The following FLACC1 variants were observed in gnomAD, a reference collection of about 807,000 sequenced individuals.
FLACC1 encodes the protein flagellum associated containing coiled-coil domains 1.
A neutral mutation model predicts 62.8 loss-of-function variants in FLACC1; 66 were observed. The observed-to-expected ratio is 1.05, with a 90% CI of 0.86 to 1.29. The LOEUF is 1.29. FLACC1 is among the 50% of genes most tolerant of loss of function. The pLI, the probability that FLACC1 is intolerant of heterozygous loss-of-function variation, is 0.00. For missense variants in FLACC1, 452 were observed against 489.1 expected, an observed-to-expected ratio of 0.92 and a Z score of 0.71; for synonymous variants, 156 against 161.0, an observed-to-expected ratio of 0.97 and a Z score of 0.24.
chr2:201,334,185 G>GT (rs373763502), intron 7 of FLACC1, among the ~76,000 whole-genome samples: 147,402 of 152,218 alleles, frequency 0.97, 71,560 homozygotes, highest in East Asian at 1. Flanking sequence ...ATTTTTTCAT[G>GT]GTCTTTTGGC....
chr2:201,351,026 G>A (rs1176550452), intron 2 of FLACC1, among the ~76,000 whole-genome samples: 1 of 152,216 alleles, frequency 6.6e-6, no homozygotes, highest in African/African-American at 2.4e-5. Context: ...GGCGGCAGCT[G>A]CCATCAGGGC....
At chr2:201,347,235 G>A (rs147713539) in intron 4 of FLACC1, among the ~76,000 whole-genome samples, 6 of 152,354 alleles carry the variant, frequency 3.9e-5, no homozygotes, top group Non-Finnish European at 7.3e-5. Context: ...GGCCTCTGCT[G>A]GCCTGGACCA....
At chr2:201,355,043 G>A (rs544189076) in intron 1 of FLACC1, among the ~76,000 whole-genome samples, 4 of 152,334 alleles carry the variant, frequency 2.6e-5, no homozygotes, top group Admixed American at 6.5e-5. Flanking sequence ...CCAGCACTTT[G>A]GGAGGCCAAG....
chr2:201,301,511 G>A (rs1310257225), intron 11 of FLACC1, among the ~76,000 whole-genome samples: 1 of 152,246 alleles, frequency 6.6e-6, no homozygotes, highest in East Asian at 1.9e-4. Context: ...CACTCTGCAG[G>A]ATATTATCCA....
At chr2:201,319,022 A>G (rs1950352763) in intron 9 of FLACC1, among the ~76,000 whole-genome samples, 2 of 152,216 alleles carry the variant, frequency 1.3e-5, no homozygotes, top group Admixed American at 6.5e-5. Flanking sequence ...GGGCACACCA[A>G]AATCTCACAA....
intron 9 of FLACC1, among the ~76,000 whole-genome samples, chr2:201,323,783 T>TAAAAAAAAAA (rs1950448139): frequency 1.8e-4 from 1 of 5,494 alleles, no homozygotes; most frequent in Admixed American, 1.9e-3. Flanking sequence ...CCAGACTCTA[T>TAAAAAAAAAA]CAAAAAAAAA....
intron 10 of FLACC1, among the ~76,000 whole-genome samples, chr2:201,308,625 C>T (rs985809857): frequency 6.6e-6 from 1 of 152,052 alleles, no homozygotes; most frequent in Non-Finnish European, 1.5e-5. Context: ...GTGGGAGGTG[C>T]ACCTATAGAA....
At chr2:201,342,693 A>AT (rs1272228290) in intron 6 of FLACC1, among the ~76,000 whole-genome samples, 5 of 151,916 alleles carry the variant, frequency 3.3e-5, no homozygotes, top group African/African-American at 1.2e-4. Context: ...TTCACTGACT[A>AT]TTTTTTTTGG....
At chr2:201,320,001 T>G (rs1299245585) in intron 9 of FLACC1, among the ~76,000 whole-genome samples, 1 of 152,188 alleles carries the variant, frequency 6.6e-6, no homozygotes, top group African/African-American at 2.4e-5. Context: ...ACACCCCCAC[T>G]GTGGACCCTG....
intron 12 of FLACC1, among the ~76,000 whole-genome samples, chr2:201,293,646 G>A (rs2125536442): frequency 6.6e-6 from 1 of 152,174 alleles, no homozygotes; most frequent in Admixed American, 6.5e-5. Context: ...TCAAAAGCTA[G>A]CAGAAGGCAA....
intron 12 of FLACC1, among the ~76,000 whole-genome samples, chr2:201,293,527 G>A (rs1352751924): frequency 6.6e-6 from 1 of 152,198 alleles, no homozygotes; most frequent in Non-Finnish European, 1.5e-5. Flanking sequence ...AAAGCAGTGT[G>A]TAGGGGAAAT....
intron 7 of FLACC1, among the ~76,000 whole-genome samples, chr2:201,337,717 C>A (rs1303729597): frequency 6.6e-6 from 1 of 152,022 alleles, no homozygotes; most frequent in African/African-American, 2.4e-5. Context: ...TAGACGGTGT[C>A]TCGCTATGTT....
chr2:201,311,670 C>T (rs1229385604), intron 9 of FLACC1, among the ~76,000 whole-genome samples: 1 of 139,822 alleles, frequency 7.2e-6, no homozygotes, highest in Non-Finnish European at 1.5e-5. Flanking sequence ...TGCTGCACTC[C>T]AGCCCAGGTG....
intron 3 of FLACC1, among the ~76,000 whole-genome samples, chr2:201,350,378 C>G (rs1332812890): frequency 1.3e-5 from 2 of 152,020 alleles, no homozygotes. Context: ...GAGCAAGACT[C>G]CATCTCAAAC....
chr2:201,332,896 T>C (rs1013035768), intron 7 of FLACC1, among the ~76,000 whole-genome samples: 3 of 152,192 alleles, frequency 2.0e-5, no homozygotes, highest in African/African-American at 7.2e-5. Context: ...ATTTCCTTCT[T>C]TTTAAAGGCT....
chr2:201,330,642 C>T, intron 8 of FLACC1, 94 bp downstream of exon 8: 3 of 1,533,230 alleles, frequency 2.0e-6, no homozygotes, highest in South Asian at 1.2e-5. Flanking sequence ...GGTAGTAAAA[C>T]CTTTGTGTGC....
At chr2:201,359,631 C>T (rs1951167610), upstream of FLACC1, among the ~76,000 whole-genome samples, 1 of 152,148 alleles carries the variant, frequency 6.6e-6, no homozygotes, top group Non-Finnish European at 1.5e-5. Context: ...GGAGGCAGTG[C>T]TATCAGAGTT....
chr2:201,348,333 C>T, intron 3 of FLACC1, 31 bp from the exon 4 acceptor site: 3 of 1,608,002 alleles, frequency 1.9e-6, no homozygotes, highest in Non-Finnish European at 2.5e-6. Context: ...CAGAAAGCAA[C>T]CAGACAGCAA....
chr2:201,334,184 T>C (rs1275913731), intron 7 of FLACC1, among the ~76,000 whole-genome samples: 1 of 8,954 alleles, frequency 1.1e-4, no homozygotes, highest in African/African-American at 1.2e-4. Flanking sequence ...CATTTTTTCA[T>C]GGTCTTTTGG....
Sources: gnomAD v4.1 joint callset for allele counts (sites outside exome capture counted in the v4.1 genomes callset) on GRCh38, gnomAD v4.1.1 for gene constraint, MANE v1.5 for transcripts, NCBI Gene and HGNC (gene_info 2026-07-23, HGNC 2026-07-21) for gene names.